Variants in WASHC5 observed in about 807,000 individuals in gnomAD.
The protein encoded by WASHC5 is WASH complex subunit 5, also known as WASH complex subunit strumpellin.
Under a neutral mutation model 150.4 loss-of-function variants are expected in WASHC5, and 101 were observed. That is an observed-to-expected ratio of 0.67 (90% CI 0.57 to 0.79). WASHC5 has a LOEUF of 0.79. WASHC5 is among the 30% of genes least tolerant of loss of function. The pLI, the probability that WASHC5 is intolerant of heterozygous loss-of-function variation, is 0.00. For synonymous variants in WASHC5, 467 were observed against 491.2 expected, an observed-to-expected ratio of 0.95 and a Z score of 0.65; for missense variants, 1,195 against 1,396.3, an observed-to-expected ratio of 0.86 and a Z score of 2.30.
intron 28 of WASHC5, among the ~76,000 whole-genome samples, chr8:125,025,447 T>G (rs887567365): frequency 6.6e-6 from 1 of 151,970 alleles, no homozygotes; most frequent in Non-Finnish European, 1.5e-5. Context: ...CCTGGCACTT[T>G]GGGAGGCTGA....
chr8:125,037,011 C>T (rs146440128), intron 26 of WASHC5, among the ~76,000 whole-genome samples: 409 of 152,114 alleles, frequency 2.7e-3, no homozygotes, highest in African/African-American at 9.2e-3. Context: ...AAAACTCCAT[C>T]TCAAAAATAA....
chr8:125,069,744 G>A (rs1218910288), intron 9 of WASHC5, among the ~76,000 whole-genome samples: 1 of 152,176 alleles, frequency 6.6e-6, no homozygotes, highest in Non-Finnish European at 1.5e-5. Context: ...AACTATGTGG[G>A]AAGAAATATA....
intron 1 of WASHC5, among the ~76,000 whole-genome samples, chr8:125,089,543 G>A (rs1443588313): frequency 3.3e-5 from 5 of 152,204 alleles, no homozygotes. Context: ...AGGAGGACAA[G>A]CTATGATTAA....
intron 12 of WASHC5, 31 bp downstream of exon 12, chr8:125,061,051 A>G (rs1816578374): frequency 1.6e-6 from 2 of 1,270,396 alleles, no homozygotes; most frequent in African/African-American, 2.9e-5. Flanking sequence ...TTCATGATCC[A>G]AGAACCTGCA....
chr8:125,063,795 C>A lies in WASHC5; in HGVS notation c.1279-144G>T, dbSNP rs539238726. 37 of 725,410 alleles carry A rather than the reference C, an allele frequency of 5.1e-5. No homozygotes were observed. In the South Asian group the frequency reaches 5.6e-4, roughly 11 times the overall value. The allele number at this position is 725,410 out of a possible 1,614,324, so 44.9% of individuals were successfully genotyped here. Reference sequence around the variant, plus strand: ...AACATTGACCCTGATGTCATCTCCTCAGGCACTGATACTTTGCAGAAATTC... The same window carrying A: ...AACATTGACCCTGATGTCATCTCCTAAGGCACTGATACTTTGCAGAAATTC... On this transcript the variant is annotated intron_variant, in intron 10 of 28. Coordinates refer to ENST00000318410, the MANE Select transcript of WASHC5 (RefSeq NM_014846.4).
At chr8:125,044,448 G>C (rs953063170) in intron 21 of WASHC5, 88 bp downstream of exon 21, 27 of 1,387,962 alleles carry the variant, frequency 1.9e-5, no homozygotes, top group Non-Finnish European at 2.6e-5. Context: ...TGGAAGAAAG[G>C]TTAAGTGAGT....
chr8:125,087,469 C>T (rs1302613571), intron 1 of WASHC5, among the ~76,000 whole-genome samples: 3 of 152,112 alleles, frequency 2.0e-5, no homozygotes, highest in Admixed American at 2.0e-4. Context: ...TGGCTCACAC[C>T]TGTAATCCTA....
intron 18 of WASHC5, among the ~76,000 whole-genome samples, chr8:125,049,488 C>T (rs1008806510): frequency 6.6e-6 from 1 of 151,954 alleles, no homozygotes; most frequent in Non-Finnish European, 1.5e-5. Flanking sequence ...ACCTGGGAGG[C>T]GGAGGCTGCA....
At position 125,059,239 on chromosome 8, in the gene WASHC5, T is replaced by G. The variant is rs761801345; in HGVS notation, c.1747A>C (p.Arg583=). Reference sequence around the variant, plus strand: ...TTGCTTACCTTTAGGAAGGTAGCTCTGAGTTTAGTAACCATGGATGGATTT... The same window carrying G: ...TTGCTTACCTTTAGGAAGGTAGCTCGGAGTTTAGTAACCATGGATGGATTT... The part of the protein sequence containing the change: ...RVNPSMVTKL[R]ATFLKLASAL... The change falls in exon 14 of 29, where the codon AGA becomes CGA. Residue 583 remains arginine (R), a synonymous_variant. Coordinates refer to ENST00000318410, the MANE Select transcript of WASHC5 (RefSeq NM_014846.4). The G allele has an allele frequency of 5.0e-6, 8 of 1,613,574 alleles. No homozygotes were observed. In the African/African-American group the frequency reaches 1.1e-4, roughly 22 times the overall value.
chr8:125,034,056 A>AAC (rs1554590398), intron 26 of WASHC5, among the ~76,000 whole-genome samples: 5 of 152,048 alleles, frequency 3.3e-5, no homozygotes, highest in African/African-American at 7.2e-5. Flanking sequence ...AATAAAAAAA[A>AAC]AATTTAAAAA....
intron 17 of WASHC5, among the ~76,000 whole-genome samples, chr8:125,053,991 A>G (rs1468434123): frequency 6.6e-6 from 1 of 152,216 alleles, no homozygotes; most frequent in Non-Finnish European, 1.5e-5. Context: ...TAAGTCAAGG[A>G]ACATTTGTAT....
At chr8:125,075,273 A>G (rs1817019839) in intron 7 of WASHC5, among the ~76,000 whole-genome samples, 162 bp from the exon 8 acceptor site, 1 of 151,574 alleles carries the variant, frequency 6.6e-6, no homozygotes, top group African/African-American at 2.4e-5. Context: ...CTGATTGTTA[A>G]GTAAGTGTTC....
chr8:125,077,623 A>C (rs1817105236), intron 6 of WASHC5, among the ~76,000 whole-genome samples: 3 of 152,178 alleles, frequency 2.0e-5, no homozygotes, highest in Admixed American at 2.0e-4. Context: ...ATCAGGAATG[A>C]GATGCTCTGA....
chr8:125,044,427 G>T, intron 21 of WASHC5, 109 bp downstream of exon 21: 1 of 1,217,930 alleles, frequency 8.2e-7, no homozygotes. Context: ...TAAAGTCAGT[G>T]TAAGAAATCA....
intron 1 of WASHC5, among the ~76,000 whole-genome samples, chr8:125,085,324 G>A (rs1036398199): frequency 5.3e-5 from 8 of 152,178 alleles, no homozygotes; most frequent in Non-Finnish European, 1.0e-4. Context: ...GCTAGAGAAA[G>A]AAACCTAGCA....
In WASHC5 at chr8:125,063,645, T is replaced by C. The variant is rs753930852; in HGVS notation, c.1285A>G (p.Lys429Glu). ...GTTTGCTTTTCTGAAAGCATTTGCT[T>C]GAACATCTGTTGAAGCAACAGAAAA... is the stretch of plus-strand genomic sequence containing the variant. ...QFEFILKEMF[K>E]QMLSEKQTKW... The change falls in exon 11 of 29, where the codon AAG becomes GAG. Residue 429 changes from lysine (K) to glutamate (E), a missense_variant. This residue lies in a region of WASHC5 where 997 missense variants were observed against 1,168.1 expected (regional missense o/e 0.85). Transcript: ENST00000318410. The C allele has an allele frequency of 2.5e-6, 4 of 1,613,748 alleles. No homozygotes were observed. Among genetic ancestry groups the C allele is most frequent in the Non-Finnish European group, 3.4e-6 (4 of 1,179,692 alleles).
chr8:125,062,260 T>C (rs865873371), intron 11 of WASHC5, among the ~76,000 whole-genome samples: 1 of 152,172 alleles, frequency 6.6e-6, no homozygotes, highest in Non-Finnish European at 1.5e-5. Flanking sequence ...TTTCCTTATA[T>C]ATAAAATAAG....
intron 8 of WASHC5, among the ~76,000 whole-genome samples, chr8:125,073,850 T>G (rs1816974617): frequency 6.6e-6 from 1 of 152,218 alleles, no homozygotes; most frequent in South Asian, 2.1e-4. Context: ...AAACGGAGAC[T>G]TGGACCAGGT....
intron 17 of WASHC5, 92 bp downstream of exon 17, chr8:125,055,499 G>T: frequency 1.2e-6 from 1 of 802,506 alleles, no homozygotes; most frequent in Non-Finnish European, 2.3e-6. Context: ...GCCAGATGAT[G>T]TCACTCCCTT....
Sources: allele counts gnomAD v4.1 joint callset (sites outside exome capture counted in the v4.1 genomes callset), GRCh38; gene constraint gnomAD v4.1.1; regional missense constraint gnomAD v4.1.1; transcripts MANE v1.5; gene names NCBI Gene and HGNC (gene_info 2026-07-23, HGNC 2026-07-21).